LRRTM4: variants seen among roughly 807,000 people sequenced by gnomAD.
LRRTM4 encodes the protein leucine rich repeat transmembrane neuronal 4.
Under a neutral mutation model 47.6 loss-of-function variants are expected in LRRTM4, and 25 were observed. The observed-to-expected ratio is 0.53, with a 90% confidence interval of 0.38 to 0.73. The LOEUF (loss-of-function observed/expected upper bound fraction) is 0.73, where lower values mean the gene tolerates loss of function less well. Ranked by LOEUF, LRRTM4 falls within the 30% of genes least tolerant of loss-of-function variation. The pLI is 0.00. For synonymous variants in LRRTM4, 311 were observed against 269.5 expected (o/e 1.15, Z -1.51); for missense variants, 638 against 713.4 (o/e 0.89, Z 1.20).
chr2:77,115,222 T>C (rs1042035192), intron 3 of LRRTM4, among the ~76,000 whole-genome samples: 2 of 152,140 alleles, frequency 1.3e-5, no homozygotes, highest in African/African-American at 4.8e-5. Context: ...AGAAGAAAAA[T>C]ATGGCTCTAT....
At chr2:77,221,915 A>C (rs1674646844) in intron 3 of LRRTM4, among the ~76,000 whole-genome samples, 1 of 152,180 alleles carries the variant, frequency 6.6e-6, no homozygotes, top group Admixed American at 6.5e-5. Context: ...TCTTTTCAGC[A>C]CCACACCACA....
At chr2:76,799,667 T>C (rs1461720130) in intron 3 of LRRTM4, among the ~76,000 whole-genome samples, 2 of 131,594 alleles carry the variant, frequency 1.5e-5, no homozygotes, top group Non-Finnish European at 3.2e-5. Flanking sequence ...AAATTGTCCC[T>C]GTTTGCGGAT....
intron 3 of LRRTM4, among the ~76,000 whole-genome samples, chr2:77,183,627 C>T (rs1303390629): frequency 6.6e-6 from 1 of 152,140 alleles, no homozygotes. Flanking sequence ...AAGATACATG[C>T]ACACGTATGT....
intron 3 of LRRTM4, among the ~76,000 whole-genome samples, chr2:76,823,456 G>A (rs1007663900): frequency 6.6e-6 from 1 of 151,342 alleles, no homozygotes; most frequent in African/African-American, 2.4e-5. Flanking sequence ...ATTCCTCTGA[G>A]TATACAAGCA....
chr2:76,817,193 G>A (rs1670927409), intron 3 of LRRTM4, among the ~76,000 whole-genome samples: 1 of 151,916 alleles, frequency 6.6e-6, no homozygotes, highest in South Asian at 2.1e-4. Context: ...ATGAGTGCCA[G>A]GAGTGCATGC....
At chr2:77,327,715 G>C (rs1319811397) in intron 3 of LRRTM4, among the ~76,000 whole-genome samples, 1 of 152,074 alleles carries the variant, frequency 6.6e-6, no homozygotes, top group Non-Finnish European at 1.5e-5. Context: ...ACATTTCCTT[G>C]GGAGAAGGCG....
rs576105523 is a variant in LRRTM4, at chr2:76,990,647, A to G, written c.1552-241731T>C. On this transcript the variant is annotated intron_variant, in intron 3 of 3. Transcript: ENST00000409884. ...CAACATTGGAGCACACAGATTCATAAAACAAATAGGTCTAGACCTACAAAA... is the reference window on the plus strand; with the variant it reads ...CAACATTGGAGCACACAGATTCATAGAACAAATAGGTCTAGACCTACAAAA... 8.6e-5 allele frequency among the ~76,000 whole-genome samples: 13 copies of G among 151,720 alleles called. No individual in the cohort carries two copies. The East Asian group carries it at 1.9e-3, about 23-fold the overall frequency.
intron 3 of LRRTM4, among the ~76,000 whole-genome samples, chr2:77,107,894 G>C (rs1447357699): frequency 6.7e-6 from 1 of 149,890 alleles, no homozygotes; most frequent in Admixed American, 6.6e-5. Context: ...TCTTGGTTTA[G>C]AATGAAAATA....
At chr2:76,758,422 C>T (rs1264774198) in intron 3 of LRRTM4, among the ~76,000 whole-genome samples, 1 of 152,134 alleles carries the variant, frequency 6.6e-6, no homozygotes, top group Non-Finnish European at 1.5e-5. Context: ...AGAGGACATA[C>T]ACATGCTTGA....
In LRRTM4 at chr2:77,236,140, C is replaced by T. The variant is rs564358983; in HGVS notation, c.1551+282178G>A. 5.9e-4 allele frequency among the ~76,000 whole-genome samples: 90 copies of T among 152,204 alleles called. 2 individuals carry two copies. Among genetic ancestry groups the T allele is most frequent in the African/African-American group, 1.9e-3 (79 of 41,558 alleles). On this transcript the variant is annotated intron_variant, in intron 3 of 3. Coordinates refer to ENST00000409884, the MANE Select transcript of LRRTM4 (RefSeq NM_001134745.3). Reference sequence around the variant, plus strand: ...GGTCATTGTAATGACATTGATTCTTCTAATCCATGAACATGGAATGCTTTT... The same window carrying T: ...GGTCATTGTAATGACATTGATTCTTTTAATCCATGAACATGGAATGCTTTT...
At chr2:77,179,533 G>A (rs890672498) in intron 3 of LRRTM4, among the ~76,000 whole-genome samples, 8 of 152,136 alleles carry the variant, frequency 5.3e-5, no homozygotes, top group Middle Eastern at 3.4e-3. Context: ...CTTGTCGTTC[G>A]TCAGTATTTC....
chr2:76,995,235 A>G (rs1677158601), intron 3 of LRRTM4, among the ~76,000 whole-genome samples: 1 of 152,048 alleles, frequency 6.6e-6, no homozygotes, highest in South Asian at 2.1e-4. Flanking sequence ...TTAAGTTTAC[A>G]CATATTTTAA....
At chr2:77,344,784 G>A (rs774661034) in intron 3 of LRRTM4, among the ~76,000 whole-genome samples, 15 of 151,458 alleles carry the variant, frequency 9.9e-5, no homozygotes, top group Non-Finnish European at 1.9e-4. Flanking sequence ...GTAAATTGTA[G>A]AGTAACCGGA....
At chr2:77,309,949 C>T (rs1220509164) in intron 3 of LRRTM4, among the ~76,000 whole-genome samples, 2 of 152,032 alleles carry the variant, frequency 1.3e-5, no homozygotes, top group Non-Finnish European at 2.9e-5. Context: ...TAACTATTGT[C>T]TGTGGCTGCT....
chr2:77,315,380 T>A (rs1021553187), intron 3 of LRRTM4, among the ~76,000 whole-genome samples: 2 of 152,178 alleles, frequency 1.3e-5, no homozygotes, highest in Admixed American at 1.3e-4. Context: ...TACATACATT[T>A]ATATATAACT....
intron 3 of LRRTM4, chr2:76,985,850 G>A (rs7561361): frequency 0.55 from 83,304 of 151,646 alleles, 24,726 homozygotes; most frequent in African/African-American, 0.78. Context: ...AATGTGAGTC[G>A]TTAATGACTG....
chr2:77,279,617 C>G (rs2104095821), intron 3 of LRRTM4, among the ~76,000 whole-genome samples: 1 of 151,908 alleles, frequency 6.6e-6, no homozygotes, highest in Non-Finnish European at 1.5e-5. Flanking sequence ...AATAATATAG[C>G]TAGCTATTAC....
chr2:77,052,910 C>G (rs1427862437), intron 3 of LRRTM4, among the ~76,000 whole-genome samples: 1 of 151,608 alleles, frequency 6.6e-6, no homozygotes, highest in Non-Finnish European at 1.5e-5. Flanking sequence ...CATTTGAATT[C>G]ACTAATATAA....
intron 3 of LRRTM4, among the ~76,000 whole-genome samples, chr2:76,776,367 C>G (rs1673994522): frequency 6.6e-6 from 1 of 152,114 alleles, no homozygotes; most frequent in African/African-American, 2.4e-5. Context: ...AGTTTACAGT[C>G]CCACCAACAG....
Sources: gnomAD v4.1 joint callset for allele counts (sites outside exome capture counted in the v4.1 genomes callset) on GRCh38, gnomAD v4.1.1 for gene constraint, MANE v1.5 for transcripts, NCBI Gene and HGNC (gene_info 2026-07-23, HGNC 2026-07-21) for gene names.